ACYP2: variants seen among roughly 807,000 people sequenced by gnomAD.
ACYP2 encodes acylphosphatase 2.
Under a neutral mutation model 11.2 loss-of-function variants are expected in ACYP2, and 12 were observed. That is an observed-to-expected ratio of 1.08 (90% CI 0.69 to 1.74). The LOEUF (loss-of-function observed/expected upper bound fraction) is 1.74. Ranked by LOEUF, ACYP2 falls within the 40% of genes most tolerant of loss-of-function variation. The pLI, the probability that ACYP2 is intolerant of heterozygous loss-of-function variation, is 0.00. For missense variants in ACYP2, 134 were observed against 101.9 expected (o/e 1.31, Z -1.35); for synonymous variants, 43 against 32.2 (o/e 1.33, Z -1.13).
intron 2 of ACYP2, among the ~76,000 whole-genome samples, chr2:54,020,556 G>A (rs762767866): frequency 6.6e-6 from 1 of 152,122 alleles, no homozygotes; most frequent in Admixed American, 6.6e-5. Context: ...CAGACTGTGG[G>A]CCAAATACCC....
intron 4 of ACYP2, among the ~76,000 whole-genome samples, chr2:54,088,292 A>T (rs766883551): frequency 2.0e-5 from 3 of 152,230 alleles, no homozygotes; most frequent in Non-Finnish European, 2.9e-5. Context: ...CATGTTCAAC[A>T]GGACTACTTA....
At chr2:54,165,701 G>C (rs1682939248) in intron 6 of ACYP2, among the ~76,000 whole-genome samples, 1 of 152,136 alleles carries the variant, frequency 6.6e-6, no homozygotes, top group African/African-American at 2.4e-5. Flanking sequence ...TGGTGCCTTA[G>C]ACTGGAGAGG....
chr2:54,159,372 C>CTT lies in ACYP2; in HGVS notation c.404+20639_404+20640dup, dbSNP rs768866580. On this transcript the variant is annotated intron_variant, in intron 6 of 6. Transcript: ENST00000607452. ...TATTGGATTATGACTTTTTAGGATG[C>CTT]TTTTTTTTTTTTTTTTAATGAGACA... is the stretch of plus-strand genomic sequence containing the variant. 5.6e-3 allele frequency among the ~76,000 whole-genome samples: 637 copies of CTT among 113,496 alleles called. 8 individuals are homozygous for CTT. Among genetic ancestry groups the CTT allele is most frequent in the African/African-American group, 0.019 (595 of 30,942 alleles). The allele number at this position is 113,496 out of a possible 152,430, so 74.5% of individuals were successfully genotyped here.
At chr2:54,103,957 C>G (rs974279344) in intron 4 of ACYP2, among the ~76,000 whole-genome samples, 1 of 152,152 alleles carries the variant, frequency 6.6e-6, no homozygotes, top group Non-Finnish European at 1.5e-5. Context: ...AATACAGATG[C>G]CAGTCAGATC....
intron 6 of ACYP2, among the ~76,000 whole-genome samples, chr2:54,267,041 A>G (rs995686466): frequency 1.3e-5 from 2 of 152,188 alleles, no homozygotes; most frequent in Non-Finnish European, 1.5e-5. Flanking sequence ...ATTCTCAGCT[A>G]CAAAAGAGGG....
intron 6 of ACYP2, chr2:54,256,112 C>A: frequency 2.5e-6 from 4 of 1,613,986 alleles, no homozygotes; most frequent in Non-Finnish European, 3.4e-6. Context: ...AGAGCATAGT[C>A]GAGAGTAGCG....
intron 6 of ACYP2, among the ~76,000 whole-genome samples, chr2:54,143,733 G>GT (rs545149069): frequency 6.3e-4 from 48 of 76,666 alleles, no homozygotes; most frequent in African/African-American, 9.5e-4. Flanking sequence ...TACCCAGCCG[G>GT]TTTTTTTTTT....
intron 4 of ACYP2, among the ~76,000 whole-genome samples, chr2:54,096,270 C>G (rs553925158): frequency 7.6e-6 from 1 of 130,848 alleles, no homozygotes; most frequent in Non-Finnish European, 1.6e-5. Context: ...ACATCTCAGA[C>G]GATGGGTGGC....
At chr2:53,978,709 A>G (rs1010664486) in intron 2 of ACYP2, among the ~76,000 whole-genome samples, 1 of 152,206 alleles carries the variant, frequency 6.6e-6, no homozygotes, top group African/African-American at 2.4e-5. Flanking sequence ...AACATGACAA[A>G]ACTCAAATAT....
At chr2:54,088,130 G>C (rs1163093827) in intron 4 of ACYP2, among the ~76,000 whole-genome samples, 3 of 152,192 alleles carry the variant, frequency 2.0e-5, no homozygotes. Context: ...GTGAGAAGAG[G>C]AGGGATTAGC....
At chr2:53,971,636 G>A (rs1190263078) in intron 1 of ACYP2, among the ~76,000 whole-genome samples, 1 of 152,184 alleles carries the variant, frequency 6.6e-6, no homozygotes, top group Non-Finnish European at 1.5e-5. Context: ...GTCTAGCAGA[G>A]ATAAAGACGT....
chr2:54,004,803 G>T (rs538872734), intron 2 of ACYP2, among the ~76,000 whole-genome samples: 7 of 148,794 alleles, frequency 4.7e-5, no homozygotes, highest in African/African-American at 1.7e-4. Context: ...GCTGAGGCAG[G>T]AGAATCACTT....
At chr2:54,257,445 C>G (rs577907549) in intron 6 of ACYP2, among the ~76,000 whole-genome samples, 1 of 152,194 alleles carries the variant, frequency 6.6e-6, no homozygotes, top group African/African-American at 2.4e-5. Flanking sequence ...GTCAGTTGGC[C>G]TTGTCTAACT....
intron 6 of ACYP2, among the ~76,000 whole-genome samples, chr2:54,197,935 A>ATGTT (rs1684566823): frequency 7.6e-6 from 1 of 130,896 alleles, no homozygotes; most frequent in Non-Finnish European, 1.7e-5. Flanking sequence ...TTATTTATGT[A>ATGTT]TGTATTATAT....
intron 6 of ACYP2, among the ~76,000 whole-genome samples, chr2:54,248,852 T>C (rs1687077818): frequency 6.6e-6 from 1 of 151,892 alleles, no homozygotes; most frequent in Non-Finnish European, 1.5e-5. Context: ...CTACAAGAGG[T>C]AGGAGGTTTT....
chr2:54,048,881 G>C (rs1476688719), intron 2 of ACYP2, among the ~76,000 whole-genome samples: 4 of 152,202 alleles, frequency 2.6e-5, no homozygotes, highest in Non-Finnish European at 5.9e-5. Flanking sequence ...GGCAAGGGTA[G>C]GTGCACCTCA....
chr2:53,995,792 G>T (rs1232071556), intron 2 of ACYP2, among the ~76,000 whole-genome samples: 2 of 152,058 alleles, frequency 1.3e-5, no homozygotes, highest in African/African-American at 4.8e-5. Flanking sequence ...ATTTTGTAGG[G>T]TGTAACTTCC....
intron 6 of ACYP2, among the ~76,000 whole-genome samples, chr2:54,279,559 T>G (rs192462385): frequency 1.8e-4 from 28 of 152,066 alleles, no homozygotes; most frequent in Admixed American, 5.9e-4. Flanking sequence ...GCCAACAGAA[T>G]TCCCAGAACC....
At chr2:54,020,188 C>G (rs1303319522) in intron 2 of ACYP2, among the ~76,000 whole-genome samples, 1 of 152,150 alleles carries the variant, frequency 6.6e-6, no homozygotes, top group Non-Finnish European at 1.5e-5. Context: ...TCACCAGTCT[C>G]AGCCTCCCAA....
Sources: allele counts gnomAD v4.1 joint callset (sites outside exome capture counted in the v4.1 genomes callset), GRCh38; gene constraint gnomAD v4.1.1; transcripts MANE v1.5; gene names NCBI Gene and HGNC (gene_info 2026-07-23, HGNC 2026-07-21).